ASNSD1: variants seen among roughly 807,000 people sequenced by gnomAD.
ASNSD1 encodes asparagine synthetase domain containing 1, also known as asparagine synthetase domain-containing protein 1.
Under a neutral mutation model 48.3 loss-of-function variants are expected in ASNSD1, and 36 were observed. The observed-to-expected ratio is 0.75, with a 90% CI of 0.57 to 0.99. The LOEUF is 0.99. Ranked by LOEUF, ASNSD1 falls within the 50% of genes least tolerant of loss-of-function variation. The pLI, the probability that ASNSD1 is intolerant of heterozygous loss-of-function variation, is 0.00. For synonymous variants in ASNSD1, 257 were observed against 262.1 expected (o/e 0.98, Z 0.19); for missense variants, 714 against 758.2 (o/e 0.94, Z 0.69).
In ASNSD1 at chr2:189,661,576, A is replaced by T. The variant is rs2032665170; in HGVS notation, c.-257A>T. 2.5e-6 allele frequency: 1 copy of T among 399,132 alleles called. No homozygotes were observed. The highest frequency in any genetic ancestry group is 2.1e-5 in the African/African-American group (1 of 48,630). The allele number at this position is 399,132 out of a possible 1,614,324, so 24.7% of individuals were successfully genotyped here. A position where few individuals can be genotyped will look rare whatever the true frequency, so the allele number is the denominator to read the frequency against. Reference sequence around the variant, plus strand: ...AGCTCTGTGCTGATCCCCACCGACAATTCGACCCCACACAAGGAGGATCTA... The same window carrying T: ...AGCTCTGTGCTGATCCCCACCGACATTTCGACCCCACACAAGGAGGATCTA... On this transcript the variant is annotated 5_prime_UTR_variant, in exon 1 of 6. Transcript: ENST00000260952.
At chr2:189,668,132 T>A (rs542424134) in intron 5 of ASNSD1, among the ~76,000 whole-genome samples, 187 bp downstream of exon 5, 46 of 152,336 alleles carry the variant, frequency 3.0e-4, no homozygotes, top group African/African-American at 1.1e-3. Flanking sequence ...GCATTTATTT[T>A]CTAGAACTCA....
chr2:189,666,095 C>T lies in ASNSD1; in HGVS notation c.-38C>T. Reference sequence around the variant, plus strand: ...CAAGAAATAGAAAACTTAGACAAGACCAAAATCAAGAAATAGTCAACCTGA... The same window carrying T: ...CAAGAAATAGAAAACTTAGACAAGATCAAAATCAAGAAATAGTCAACCTGA... On this transcript the variant is annotated 5_prime_UTR_variant, in exon 4 of 6. Coordinates refer to ENST00000260952, the MANE Select transcript of ASNSD1 (RefSeq NM_019048.4). The T allele has an allele frequency of 2.7e-6, 4 of 1,490,652 alleles. No homozygotes were observed. Among genetic ancestry groups the T allele is most frequent in the Non-Finnish European group, 3.6e-6 (4 of 1,123,264 alleles). 92.3% of individuals were successfully genotyped at this position (1,490,652 alleles called of 1,614,324 possible).
At chr2:189,663,838 G>A (rs2032727721) in intron 1 of ASNSD1, 63 bp from the exon 2 acceptor site, 1 of 370,232 alleles carries the variant, frequency 2.7e-6, no homozygotes, top group Admixed American at 4.7e-5. Context: ...AACCCCTTAA[G>A]GGATTTTCAT....
rs1345812168 is a variant in ASNSD1 at position 189,670,612 on chromosome 2, T to C, written c.1818T>C (p.Phe606=). The C allele has an allele frequency of 4.3e-6, 7 of 1,614,050 alleles. No individual in the cohort carries two copies. The highest frequency in any genetic ancestry group is 5.1e-6 in the Non-Finnish European group (6 of 1,179,968). The change falls in exon 6 of 6, where the codon TTT becomes TTC. Residue 606 remains phenylalanine (F), a synonymous_variant. Transcript: ENST00000260952. ...SALLPKRAMQ[F]GSRIAKMEKI... The stretch of plus-strand genomic sequence containing the variant: ...TTCTGCCCAAACGGGCCATGCAGTT[T>C]GGATCAAGAATTGCAAAAATGGAAA...
rs757158815 is a variant in ASNSD1 at position 189,666,631 on chromosome 2, G to T, written c.499G>T (p.Ala167Ser). The T allele has an allele frequency of 6.2e-7, 1 of 1,614,074 alleles. No individual in the cohort carries two copies. Among genetic ancestry groups the T allele is most frequent in the Non-Finnish European group, 8.5e-7 (1 of 1,180,022 alleles). ...SSVGTQTSGL[A>S]NQWQEVPASG... ...AGTTGGCACCCAAACATCTGGATTG[G>T]CAAATCAGTGGCAAGAAGTTCCAGC... The change falls in exon 4 of 6, where the codon GCA becomes TCA. Residue 167 changes from alanine (A) to serine (S), a missense_variant. Physicochemically the swap from Ala to Ser is moderately conservative, Grantham distance 99. Coordinates refer to ENST00000260952, the MANE Select transcript of ASNSD1 (RefSeq NM_019048.4).
intron 4 of ASNSD1, 45 bp downstream of exon 4, chr2:189,667,641 T>G: frequency 1.3e-6 from 2 of 1,550,362 alleles, no homozygotes; most frequent in Non-Finnish European, 1.7e-6. Flanking sequence ...GAGACCTATT[T>G]TTGACCCTTA....
chr2:189,665,596 G>GTATGTA (rs71023704), intron 3 of ASNSD1, 145 bp downstream of exon 3: 7 of 111,486 alleles, frequency 6.3e-5, no homozygotes, highest in East Asian at 4.9e-4. Context: ...ATATATATAT[G>GTATGTA]TGTATATATA....
chr2:189,666,220 C>T lies in ASNSD1; in HGVS notation c.88C>T (p.Arg30Trp), dbSNP rs1291317485. The change falls in exon 4 of 6, where the codon CGG (arginine) becomes TGG (tryptophan). Residue 30 changes from arginine (R) to tryptophan (W), a missense_variant. Physicochemically the swap from Arg to Trp is moderately radical, Grantham distance 101. Transcript: ENST00000260952. ...GGACTTACTATATAATCTTAAACAGCGGGGACCCAATAGTAGTAAACAATT... is the reference window on the plus strand; with the variant it reads ...GGACTTACTATATAATCTTAAACAGTGGGGACCCAATAGTAGTAAACAATT... ...KEDLLYNLKQ[R>W]GPNSSKQLLK... 13 of 1,613,560 alleles carry T rather than the reference C, an allele frequency of 8.1e-6. No homozygotes were observed. The highest frequency in any genetic ancestry group is 4.5e-5 in the East Asian group (2 of 44,880).
rs766267209 is a variant in ASNSD1, at chr2:189,667,824, C to T, written c.1525C>T (p.Arg509Cys). 32 of 1,613,872 alleles carry T rather than the reference C, an allele frequency of 2.0e-5. No individual in the cohort carries two copies. Among genetic ancestry groups the T allele is most frequent in the East Asian group, 1.1e-4 (5 of 44,888 alleles). ...QLAGYSRHRVRFQSHGLEGLN... is the reference protein window; with the variant it reads ...QLAGYSRHRVCFQSHGLEGLN... ...TGCAGGTTATTCTCGTCATCGTGTC[C>T]GCTTTCAGTCGCATGGGCTGGAAGG... Residue 509 changes from arginine to cysteine, a missense_variant, in exon 5 of 6, where the codon CGC becomes TGC. Transcript: ENST00000260952.
chr2:189,661,728 C>CT, intron 1 of ASNSD1, 118 bp downstream of exon 1: 1 of 398,098 alleles, frequency 2.5e-6, no homozygotes, highest in Non-Finnish European at 4.4e-6. Flanking sequence ...TGCCCTGCTA[C>CT]TTTGCTCTTT....
chr2:189,669,737 G>A (rs1402833582), intron 5 of ASNSD1, among the ~76,000 whole-genome samples: 5 of 152,088 alleles, frequency 3.3e-5, no homozygotes, highest in Non-Finnish European at 7.4e-5. Context: ...TAGAAATTGG[G>A]GAAGGAAAAG....
rs1032820969 is a variant in ASNSD1, at chr2:189,662,963, A to G, written c.-222-938A>G. On this transcript the variant is annotated intron_variant, in intron 1 of 5. Transcript: ENST00000260952. ...GACCCTGTTTCAAAAAAAAAAAAAA[A>G]AAAAAAGCCCAGTTCAACAGTGCCA... Among the ~76,000 whole-genome samples, 4 of 151,392 alleles carry G rather than the reference A, an allele frequency of 2.6e-5. No individual in the cohort carries two copies. In the Middle Eastern group the frequency reaches 0.01, roughly 386 times the overall value.
In ASNSD1 at chr2:189,665,439, T is replaced by C. The variant is rs1341421725; in HGVS notation, c.-105T>C. 2 of 397,748 alleles carry C rather than the reference T, an allele frequency of 5.0e-6. No homozygotes were observed. 24.6% of individuals were successfully genotyped at this position (397,748 alleles called of 1,614,324 possible). ...TCTTGCAGACCGAACAGAAATGCTG[T>C]CTGAGAGCAAGAGTAAGTTTTTTCT... On this transcript the variant is annotated 5_prime_UTR_variant, in exon 3 of 6. Transcript: ENST00000260952.
chr2:189,663,500 G>A lies in ASNSD1; in HGVS notation c.-222-401G>A, dbSNP rs1385947479. Among the ~76,000 whole-genome samples the A allele has an allele frequency of 3.9e-5, 6 of 152,260 alleles. No homozygotes were observed. The East Asian group carries it at 7.7e-4, about 20-fold the overall frequency. The stretch of plus-strand genomic sequence containing the variant: ...ACTCCCGACTTCAGGTGATCCGCCC[G>A]CCTTGGCCTCCCGAAGTGCTGGGAT... On this transcript the variant is annotated intron_variant, in intron 1 of 5. Transcript: ENST00000260952.
chr2:189,663,392 T>C (rs2105682276), intron 1 of ASNSD1, among the ~76,000 whole-genome samples: 1 of 152,250 alleles, frequency 6.6e-6, no homozygotes, highest in South Asian at 2.1e-4. Context: ...TAGCTGGGAT[T>C]ACAGGCATGT....
intron 1 of ASNSD1, 32 bp from the exon 2 acceptor site, chr2:189,663,869 C>T (rs548424101): frequency 2.3e-5 from 9 of 383,710 alleles, no homozygotes; most frequent in African/African-American, 1.7e-4. Context: ...TTGAAAACAT[C>T]TGACTTAAGG....
chr2:189,666,328 G>A lies in ASNSD1; in HGVS notation c.196G>A (p.Glu66Lys). 12 of 1,613,880 alleles carry A rather than the reference G, an allele frequency of 7.4e-6. No homozygotes were observed. Among genetic ancestry groups the A allele is most frequent in the Non-Finnish European group, 1.0e-5 (12 of 1,179,886 alleles). The change falls in exon 4 of 6, where the codon GAA (glutamate) becomes AAA (lysine). Residue 66 changes from glutamate to lysine, a missense_variant. Physicochemically the swap from Glu to Lys is moderately conservative, Grantham distance 56 (BLOSUM62 1). Transcript: ENST00000260952. Reference protein sequence around the residue: ...LRGVLTTQPVEDERGNVFLWN... With the variant: ...LRGVLTTQPVKDERGNVFLWN... The stretch of plus-strand genomic sequence containing the variant: ...GGGTGTTTTGACTACCCAGCCTGTG[G>A]AAGATGAAAGAGGCAATGTGTTTCT...
At chr2:189,665,893 C>G (rs2032790074) in intron 3 of ASNSD1, 148 bp from the exon 4 acceptor site, 1 of 417,160 alleles carries the variant, frequency 2.4e-6, no homozygotes, top group Admixed American at 4.0e-5. Flanking sequence ...TTATTAGTAG[C>G]CTGTTGTTAA....
At chr2:189,665,612 A>ATATATACATATATATATATG (rs2032777032) in intron 3 of ASNSD1, among the ~76,000 whole-genome samples, 161 bp downstream of exon 3, 2 of 32,852 alleles carry the variant, frequency 6.1e-5, no homozygotes, top group African/African-American at 1.5e-4. Context: ...ATATATATAT[A>ATATATACATATATATATATG]TATATATATA....
Sources: gnomAD v4.1 joint callset for allele counts (sites outside exome capture counted in the v4.1 genomes callset) on GRCh38, gnomAD v4.1.1 for gene constraint, MANE v1.5 for transcripts, NCBI Gene and HGNC (gene_info 2026-07-23, HGNC 2026-07-21) for gene names.